The following AMACR variants were observed in gnomAD, a reference collection of about 807,000 sequenced individuals.
The protein encoded by AMACR is alpha-methylacyl-CoA racemase.
In AMACR, 18 loss-of-function variants were observed where a neutral mutation model predicts 22.2. The observed-to-expected ratio is 0.81, with a 90% CI of 0.56 to 1.20. The LOEUF (loss-of-function observed/expected upper bound fraction) is 1.20. Among genes scored for constraint, AMACR ranks in the 50% most tolerant of loss-of-function variants. AMACR has a pLI of 0.00. For missense variants in AMACR, 499 were observed against 490.6 expected, an observed-to-expected ratio of 1.02 and a Z score of -0.16; for synonymous variants, 213 against 191.3, an observed-to-expected ratio of 1.11 and a Z score of -0.94.
In AMACR at chr5:33,986,521, A is replaced by G. The variant is rs1222651062; in HGVS notation, c.*2572T>C. ...ATTACTGAGTGAATAAACCATACAC[A>G]CTGCATTTTGTGCTGCCTGTCTGCT... On this transcript the variant is annotated 3_prime_UTR_variant, in exon 5 of 5. Coordinates refer to ENST00000335606, the MANE Select transcript of AMACR (RefSeq NM_014324.6). The G allele has an allele frequency of 1.3e-5, 2 of 152,198 alleles. No individual in the cohort carries two copies. The highest frequency in any genetic ancestry group is 2.9e-5 in the Non-Finnish European group (2 of 68,028). The allele number at this position is 152,198 out of a possible 1,614,324, so 9.4% of individuals were successfully genotyped here. A position where few individuals can be genotyped will look rare whatever the true frequency, so the allele number is the denominator to read the frequency against.
chr5:34,005,673 T>C, intron 2 of AMACR, 83 bp downstream of exon 2: 1 of 1,530,226 alleles, frequency 6.5e-7, no homozygotes, highest in Admixed American at 1.8e-5. Flanking sequence ...AATTTTTACC[T>C]TTACAAATTA....
chr5:33,991,231 C>CTT (rs1753463672), intron 4 of AMACR, among the ~76,000 whole-genome samples: 1 of 152,148 alleles, frequency 6.6e-6, no homozygotes, highest in Admixed American at 6.5e-5. Flanking sequence ...TACCCTAACT[C>CTT]TAACACCCCA....
intron 3 of AMACR, among the ~76,000 whole-genome samples, chr5:34,002,176 T>A (rs1392006429): frequency 6.6e-6 from 1 of 152,106 alleles, no homozygotes; most frequent in African/African-American, 2.4e-5. Context: ...TTTTGTATTT[T>A]AGTAGAGATG....
intron 4 of AMACR, chr5:33,997,007 A>T (rs559813256): frequency 7.7e-5 from 48 of 623,750 alleles, no homozygotes; most frequent in East Asian, 2.8e-4. Flanking sequence ...ATTTTTTTTT[A>T]ATTTTACACG....
Position 33,988,495 on chromosome 5 carries a change from A to G in AMACR, c.*598T>C. 7.0e-7 allele frequency: 1 copy of G among 1,427,432 alleles called. No homozygotes were observed. Among genetic ancestry groups the G allele is most frequent in the Non-Finnish European group, 9.1e-7 (1 of 1,094,076 alleles). 88.4% of individuals were successfully genotyped at this position (1,427,432 alleles called of 1,614,324 possible). On this transcript the variant is annotated 3_prime_UTR_variant, in exon 5 of 5. Transcript: ENST00000335606. ...TCTGGACTCTACGTAGTGAGCCAAC[A>G]CATTTCCTCATTATTTTGGATATGT... is the stretch of plus-strand genomic sequence containing the variant.
At chr5:34,003,869 A>C (rs1382385356) in intron 3 of AMACR, among the ~76,000 whole-genome samples, 2 of 152,206 alleles carry the variant, frequency 1.3e-5, no homozygotes, top group Non-Finnish European at 2.9e-5. Flanking sequence ...ATGTCTGTGA[A>C]AATGCAAACA....
At chr5:34,003,747 T>C (rs1215399251) in intron 3 of AMACR, among the ~76,000 whole-genome samples, 1 of 152,214 alleles carries the variant, frequency 6.6e-6, no homozygotes, top group Non-Finnish European at 1.5e-5. Flanking sequence ...GCAAACCAAC[T>C]CTACCATTAA....
At position 33,988,691 on chromosome 5, in the gene AMACR, C is replaced by T; in HGVS notation, c.*402G>A. ...CTCTGTTTCACGTGACTTTTATCAC[C>T]ATACAATTTGTGGCATTTCCTCATT... On this transcript the variant is annotated 3_prime_UTR_variant, in exon 5 of 5. Transcript: ENST00000335606. 8.3e-7 allele frequency: 1 copy of T among 1,207,832 alleles called. No homozygotes were observed. Among genetic ancestry groups the T allele is most frequent in the African/African-American group, 1.6e-5 (1 of 64,372 alleles). 74.8% of individuals were successfully genotyped at this position (1,207,832 alleles called of 1,614,324 possible).
Position 33,988,415 on chromosome 5 carries a change from C to T in AMACR, c.*678G>A, listed in dbSNP as rs945723423. The T allele has an allele frequency of 1.7e-5, 26 of 1,536,256 alleles. No individual in the cohort carries two copies. Among genetic ancestry groups the T allele is most frequent in the Middle Eastern group, 3.3e-4 (2 of 5,998 alleles). ...GGAAAGCTGACAGCCCAGAGACCCACGGGGAAACAGGCCCCGAGTTACTGG... is the reference window on the plus strand; with the variant it reads ...GGAAAGCTGACAGCCCAGAGACCCATGGGGAAACAGGCCCCGAGTTACTGG... On this transcript the variant is annotated 3_prime_UTR_variant, in exon 5 of 5. Transcript: ENST00000335606.
rs1753340294 is a variant in AMACR, at chr5:33,987,828, A to G, written c.*1265T>C. 1.3e-5 allele frequency: 2 copies of G among 152,498 alleles called. No homozygotes were observed. Among genetic ancestry groups the G allele is most frequent in the East Asian group, 1.9e-4 (1 of 5,198 alleles). The allele number at this position is 152,498 out of a possible 1,614,324, so 9.4% of individuals were successfully genotyped here. On this transcript the variant is annotated 3_prime_UTR_variant, in exon 5 of 5. Transcript: ENST00000335606. ...GTGTATTATATTTTTCAAGCAGCTA[A>G]TAAGTTGGTAGGACATAATATTTAA...
intron 1 of AMACR, 101 bp from the exon 2 acceptor site, chr5:34,006,000 T>C: frequency 7.2e-7 from 1 of 1,383,858 alleles, no homozygotes. Context: ...GCAAGTAATA[T>C]TAATAACATT....
In AMACR at chr5:33,988,142, T is replaced by C. The variant is rs1753353065; in HGVS notation, c.*951A>G. ...CGGATTAGATTGTGGAATCTACCCC[T>C]TCCTCACATGCCTTTAGGAAGTTGA... On this transcript the variant is annotated 3_prime_UTR_variant, in exon 5 of 5. Transcript: ENST00000335606. The C allele has an allele frequency of 3.4e-6, 2 of 592,618 alleles. No individual in the cohort carries two copies. The highest frequency in any genetic ancestry group is 3.7e-5 in the African/African-American group (2 of 53,896). 36.7% of individuals were successfully genotyped at this position (592,618 alleles called of 1,614,324 possible). A position where few individuals can be genotyped will look rare whatever the true frequency, so the allele number is the denominator to read the frequency against.
intron 1 of AMACR, among the ~76,000 whole-genome samples, chr5:34,007,119 GC>G (rs568580937): frequency 1.1e-3 from 163 of 152,358 alleles, no homozygotes; most frequent in African/African-American, 3.8e-3. Context: ...AGGTGGAGAT[GC>G]TGTTTTAGAA....
intron 3 of AMACR, among the ~76,000 whole-genome samples, chr5:34,000,404 C>A (rs1753782014): frequency 6.6e-6 from 1 of 152,206 alleles, no homozygotes; most frequent in Admixed American, 6.5e-5. Context: ...AGTTTTTACA[C>A]ACTGTAGTGA....
intron 4 of AMACR, chr5:33,996,922 C>T (rs1438061692): frequency 1.2e-5 from 5 of 422,686 alleles, no homozygotes; most frequent in Non-Finnish European, 2.1e-5. Context: ...CAAACAGCAA[C>T]AATAACAAGC....
chr5:34,006,426 TCAA>T (rs776469450), intron 1 of AMACR, among the ~76,000 whole-genome samples: 29 of 152,280 alleles, frequency 1.9e-4, no homozygotes, highest in Non-Finnish European at 3.8e-4. Flanking sequence ...TTTTAAGCTA[TCAA>T]CAAGTATAGT....
chr5:34,006,336 T>C (rs944265678), intron 1 of AMACR, among the ~76,000 whole-genome samples: 1 of 152,214 alleles, frequency 6.6e-6, no homozygotes, highest in Non-Finnish European at 1.5e-5. Flanking sequence ...GGCGCTAAAG[T>C]GCCTAGCATC....
rs1391761514 is a variant in AMACR, at chr5:34,007,796, A to T, written c.224T>A (p.Val75Glu). 1 of 1,569,794 alleles carries T rather than the reference A, an allele frequency of 6.4e-7. No homozygotes were observed. Among genetic ancestry groups the T allele is most frequent in the Non-Finnish European group, 8.6e-7 (1 of 1,162,992 alleles). Reference protein sequence around the residue: ...VLRRLCKRSDVLLEPFRRGVM... With the variant: ...VLRRLCKRSDELLEPFRRGVM... ...ACCGCGGCGGAAGGGCTCCAGCAGC[A>T]CATCCGACCGCTTGCACAGACGCCG... Residue 75 changes from valine (V) to glutamate (E), a missense_variant, in exon 1 of 5, where the codon GTG becomes GAG. Transcript: ENST00000335606.
chr5:33,997,922 G>A (rs1442765119), intron 4 of AMACR, among the ~76,000 whole-genome samples: 2 of 152,178 alleles, frequency 1.3e-5, no homozygotes, highest in African/African-American at 4.8e-5. Flanking sequence ...ACGTAACAAT[G>A]AAACTCTAAA....
Sources: allele counts gnomAD v4.1 joint callset (sites outside exome capture counted in the v4.1 genomes callset), GRCh38; gene constraint gnomAD v4.1.1; transcripts MANE v1.5; gene names NCBI Gene and HGNC (gene_info 2026-07-23, HGNC 2026-07-21).